The following CSRNP3 variants were observed in gnomAD, a reference collection of about 807,000 sequenced individuals.
The protein encoded by CSRNP3 is cysteine/serine-rich nuclear protein 3.
Under a neutral mutation model 48.0 loss-of-function variants are expected in CSRNP3, and 12 were observed. The observed-to-expected ratio is 0.25, with a 90% CI of 0.16 to 0.41. The LOEUF (loss-of-function observed/expected upper bound fraction) is 0.41. CSRNP3 is among the 10% of genes least tolerant of loss of function. The probability of loss-of-function intolerance (pLI) is 1.00; values close to 1 mark genes in which losing one functional copy is unlikely to be tolerated. For synonymous variants in CSRNP3, 263 were observed against 269.7 expected (o/e 0.98, Z 0.24); for missense variants, 580 against 724.4 (o/e 0.80, Z 2.29).
intron 1 of CSRNP3, among the ~76,000 whole-genome samples, chr2:165,478,045 G>A (rs1165525299): frequency 6.6e-6 from 1 of 151,396 alleles, no homozygotes; most frequent in African/African-American, 2.4e-5. Context: ...AGGAAGGAAA[G>A]GAAGGAAAGG....
chr2:165,524,704 C>T (rs1684710090), intron 3 of CSRNP3, among the ~76,000 whole-genome samples: 1 of 152,190 alleles, frequency 6.6e-6, no homozygotes, highest in African/African-American at 2.4e-5. Flanking sequence ...AGAATGTAAT[C>T]TTTACCATCT....
chr2:165,494,789 G>T lies in CSRNP3; in HGVS notation c.-252G>T. 4.7e-6 allele frequency: 1 copy of T among 213,172 alleles called. No homozygotes were observed. Among genetic ancestry groups the T allele is most frequent in the South Asian group, 1.1e-4 (1 of 9,364 alleles). 13.2% of individuals were successfully genotyped at this position (213,172 alleles called of 1,614,324 possible). A position where few individuals can be genotyped will look rare whatever the true frequency, so the allele number is the denominator to read the frequency against. On this transcript the variant is annotated 5_prime_UTR_variant, in exon 2 of 7. Transcript: ENST00000651982. Reference sequence around the variant, plus strand: ...TGTGACAGCGTTGCAGCTATGAGTGGAATTTTAAAGGGGAAGTTTGAAGAA... The same window carrying T: ...TGTGACAGCGTTGCAGCTATGAGTGTAATTTTAAAGGGGAAGTTTGAAGAA...
At chr2:165,542,124 A>G (rs1020626) in intron 3 of CSRNP3, among the ~76,000 whole-genome samples, 83,570 of 151,908 alleles carry the variant, frequency 0.55, 23,582 homozygotes, top group East Asian at 0.74. Flanking sequence ...TTGATACTTC[A>G]TCCTCACTTA....
At chr2:165,547,300 G>A (rs965988238) in intron 3 of CSRNP3, among the ~76,000 whole-genome samples, 3 of 152,142 alleles carry the variant, frequency 2.0e-5, no homozygotes, top group African/African-American at 7.2e-5. Context: ...TCTGGAGAAT[G>A]TGTTTCTGGA....
At chr2:165,646,938 A>T (rs1269911091) in intron 4 of CSRNP3, among the ~76,000 whole-genome samples, 2 of 152,174 alleles carry the variant, frequency 1.3e-5, no homozygotes, top group Non-Finnish European at 2.9e-5. Flanking sequence ...CTGTTACTTT[A>T]GTGGCAGTGA....
At chr2:165,585,633 T>C (rs1685615734) in intron 3 of CSRNP3, among the ~76,000 whole-genome samples, 1 of 152,232 alleles carries the variant, frequency 6.6e-6, no homozygotes, top group Non-Finnish European at 1.5e-5. Flanking sequence ...AACTTTATCA[T>C]AGTTTCTTGG....
rs11893693 is a variant in CSRNP3, at chr2:165,504,581, T to G, written c.-113+9653T>G. The stretch of plus-strand genomic sequence containing the variant: ...AAAACTGTTTTCAAAATCTTTAATT[T>G]AAAAAATTCTGCATTAAATACAAGC... On this transcript the variant is annotated intron_variant, in intron 2 of 6. Transcript: ENST00000651982. Among the ~76,000 whole-genome samples the G allele has an allele frequency of 8.4e-3, 1,283 of 152,188 alleles. 22 individuals are homozygous for G. The highest frequency in any genetic ancestry group is 0.029 in the African/African-American group (1,201 of 41,546).
chr2:165,629,014 C>G (rs1415499970), intron 4 of CSRNP3, among the ~76,000 whole-genome samples: 6 of 152,170 alleles, frequency 3.9e-5, no homozygotes, highest in Non-Finnish European at 8.8e-5. Context: ...AGTACAGGCT[C>G]TTTATCTCCT....
intron 2 of CSRNP3, among the ~76,000 whole-genome samples, chr2:165,495,758 TTTAAC>T (rs1408267857): frequency 6.6e-6 from 1 of 152,106 alleles, no homozygotes; most frequent in Non-Finnish European, 1.5e-5. Flanking sequence ...TAAACTTCCT[TTTAAC>T]TTTGTATTCC....
At chr2:165,596,159 A>G (rs142391141) in intron 4 of CSRNP3, among the ~76,000 whole-genome samples, 1,885 of 131,170 alleles carry the variant, frequency 0.014, 50 homozygotes, top group African/African-American at 0.054. Flanking sequence ...TTTTTTTGCC[A>G]CATTGTAATG....
At chr2:165,546,824 T>C (rs1685036717) in intron 3 of CSRNP3, among the ~76,000 whole-genome samples, 1 of 152,204 alleles carries the variant, frequency 6.6e-6, no homozygotes, top group Admixed American at 6.5e-5. Flanking sequence ...CTGGAAAATA[T>C]TACAAATCAG....
chr2:165,616,402 A>AT (rs974374126), intron 4 of CSRNP3, among the ~76,000 whole-genome samples: 5 of 152,054 alleles, frequency 3.3e-5, no homozygotes, highest in African/African-American at 1.2e-4. Flanking sequence ...GGTAGATATC[A>AT]TTTTTTACTT....
intron 3 of CSRNP3, among the ~76,000 whole-genome samples, chr2:165,549,778 T>G (rs1237831354): frequency 1.3e-5 from 2 of 152,142 alleles, no homozygotes; most frequent in African/African-American, 4.8e-5. Flanking sequence ...AAATGAAGAT[T>G]CATTGTATGG....
At chr2:165,500,360 C>T (rs1314447364) in intron 2 of CSRNP3, among the ~76,000 whole-genome samples, 11 of 148,444 alleles carry the variant, frequency 7.4e-5, no homozygotes, top group Non-Finnish European at 1.5e-4. Flanking sequence ...TATATGTATA[C>T]ATACATATAT....
At chr2:165,581,725 TG>T (rs1685551071) in intron 3 of CSRNP3, among the ~76,000 whole-genome samples, 1 of 152,020 alleles carries the variant, frequency 6.6e-6, no homozygotes, top group Non-Finnish European at 1.5e-5. Context: ...TTAGTAGAGA[TG>T]GGGTTTCACC....
At chr2:165,632,640 A>G (rs1207254294) in intron 4 of CSRNP3, among the ~76,000 whole-genome samples, 2 of 152,202 alleles carry the variant, frequency 1.3e-5, no homozygotes, top group Non-Finnish European at 2.9e-5. Context: ...CAACAAATCT[A>G]ACCATTTTAT....
chr2:165,498,959 G>A (rs574681929), intron 2 of CSRNP3, among the ~76,000 whole-genome samples: 1 of 152,232 alleles, frequency 6.6e-6, no homozygotes, highest in East Asian at 1.9e-4. Flanking sequence ...TCACATTAGT[G>A]ATCAAAACAT....
intron 3 of CSRNP3, among the ~76,000 whole-genome samples, chr2:165,592,483 A>T (rs1054700565): frequency 6.6e-6 from 1 of 152,174 alleles, no homozygotes; most frequent in African/African-American, 2.4e-5. Flanking sequence ...GGGAGGGGTC[A>T]CAGGCAGAAT....
intron 2 of CSRNP3, among the ~76,000 whole-genome samples, chr2:165,505,725 G>A (rs1263469018): frequency 6.6e-6 from 1 of 152,056 alleles, no homozygotes; most frequent in East Asian, 1.9e-4. Flanking sequence ...TAAGATAAAA[G>A]GGAGAGAATT....
Sources: allele counts gnomAD v4.1 joint callset (sites outside exome capture counted in the v4.1 genomes callset), GRCh38; gene constraint gnomAD v4.1.1; transcripts MANE v1.5; gene names NCBI Gene and HGNC (gene_info 2026-07-23, HGNC 2026-07-21).